The following EPN1 variants were observed in gnomAD, a reference collection of about 807,000 sequenced individuals.
EPN1 encodes the protein epsin-1.
In EPN1, 25 loss-of-function variants were observed where a neutral mutation model predicts 56.9. That is an observed-to-expected ratio of 0.44 (90% confidence interval 0.32 to 0.61). The LOEUF (loss-of-function observed/expected upper bound fraction) is 0.61. EPN1 is among the 20% of genes least tolerant of loss of function. The probability of loss-of-function intolerance (pLI) is 0.05; values close to 1 mark genes in which losing one functional copy is unlikely to be tolerated. For missense variants in EPN1, 785 were observed against 823.7 expected (o/e 0.95, Z 0.58); for synonymous variants, 411 against 361.8 (o/e 1.14, Z -1.54).
intron 1 of EPN1, among the ~76,000 whole-genome samples, chr19:55,678,150 G>A (rs1430868539): frequency 6.6e-6 from 1 of 152,072 alleles, no homozygotes; most frequent in Admixed American, 6.5e-5. Context: ...TGGGCAGGAC[G>A]GAGGGCCTCC....
chr19:55,678,571 C>T lies in EPN1; in HGVS notation c.-57C>T, dbSNP rs757113261. 9.6e-6 allele frequency: 15 copies of T among 1,558,556 alleles called. No homozygotes were observed. In the Admixed American group the frequency reaches 1.2e-4, roughly 12 times the overall value. On this transcript the variant is annotated 5_prime_UTR_variant, in exon 2 of 11. Coordinates refer to ENST00000270460, the MANE Select transcript of EPN1 (RefSeq NM_001130072.2). ...CCTGCCGCAGCCTTCGTCCGGGAGT[C>T]GCCCCATCTCTCCACGCATCGGGGC...
At chr19:55,677,234 C>G (rs1475075021) in intron 1 of EPN1, 8 of 1,384,888 alleles carry the variant, frequency 5.8e-6, no homozygotes, top group Non-Finnish European at 7.0e-6. Context: ...TGTCCCTGGG[C>G]AAGGGGCTGA....
chr19:55,683,944 G>A (rs538471604), intron 2 of EPN1, among the ~76,000 whole-genome samples: 54 of 152,290 alleles, frequency 3.5e-4, no homozygotes, highest in Admixed American at 9.8e-4. Flanking sequence ...TTGTATGTGC[G>A]TTATTTTCCT....
In EPN1 at chr19:55,708,627, C is replaced by T; in HGVS notation, c.*13271C>T. On this transcript the variant is annotated 3_prime_UTR_variant, in exon 11 of 11. Transcript: ENST00000270460. ...AAGACATCCATTAAGAAAATAAAGC[C>T]ATGCTTTCCAGAGCGTTTAGCACTT... 4.1e-6 allele frequency: 1 copy of T among 245,540 alleles called. No homozygotes were observed. The allele number at this position is 245,540 out of a possible 1,614,324, so 15.2% of individuals were successfully genotyped here. A position where few individuals can be genotyped will look rare whatever the true frequency, so the allele number is the denominator to read the frequency against.
chr19:55,681,435 C>G (rs1985813474), intron 2 of EPN1, among the ~76,000 whole-genome samples: 1 of 152,204 alleles, frequency 6.6e-6, no homozygotes, highest in Admixed American at 6.5e-5. Context: ...CACCTCACTT[C>G]TGAGGAATGC....
Position 55,691,945 on chromosome 19 carries a change from G to T in EPN1, c.954G>T (p.Gly318=). The stretch of plus-strand genomic sequence containing the variant: ...GTCCAGCCCCCACGCCGGCCTCTGG[G>T]GACCCCTGGAGGCCTGCTGCCCCTG... ...WGGPAPTPAS[G]DPWRPAAPAG... Residue 318 remains glycine, a synonymous_variant, in exon 7 of 11, where the codon GGG becomes GGT. Transcript: ENST00000270460. This position sits in a 1 kb window ranked among gnomAD's most constrained non-coding sequence, Gnocchi z 5.6. 1 of 1,539,218 alleles carries T rather than the reference G, an allele frequency of 6.5e-7. No individual in the cohort carries two copies. The highest frequency in any genetic ancestry group is 8.7e-7 in the Non-Finnish European group (1 of 1,146,200).
At position 55,691,816 on chromosome 19, in the gene EPN1, C is replaced by T; in HGVS notation, c.825C>T (p.Pro275=). 1 of 1,610,914 alleles carries T rather than the reference C, an allele frequency of 6.2e-7. No homozygotes were observed. The highest frequency in any genetic ancestry group is 8.5e-7 in the Non-Finnish European group (1 of 1,177,938). The part of the protein sequence containing the change: ...TAPAPAPTTD[P]WGGPAPMAAA... ...CAGCTCCTGCCCCGACCACAGACCCCTGGGGGGGCCCAGCACCCATGGCTG... is the reference window on the plus strand; with the variant it reads ...CAGCTCCTGCCCCGACCACAGACCCTTGGGGGGGCCCAGCACCCATGGCTG... Residue 275 remains proline (P), a synonymous_variant, in exon 7 of 11, where the codon CCC becomes CCT. Transcript: ENST00000270460. This position sits in a 1 kb window ranked among gnomAD's most constrained non-coding sequence, Gnocchi z 5.6.
Position 55,694,841 on chromosome 19 carries a change from A to T in EPN1, c.1380A>T (p.Thr460=). 1 of 1,609,510 alleles carries T rather than the reference A, an allele frequency of 6.2e-7. No homozygotes were observed. Residue 460 remains threonine, a synonymous_variant, in exon 10 of 11, where the codon ACA becomes ACT. Transcript: ENST00000270460. The surrounding 1 kb of genome is among the most constrained non-coding windows in gnomAD (Gnocchi z 4.2). ...TGGGCAGCCCCCCACCTGCAGCCAC[A>T]CCAACTCCCACGCCCCCCACCCGGA... is the stretch of plus-strand genomic sequence containing the variant. ...EAVGSPPPAA[T]PTPTPPTRKT...
intron 9 of EPN1, chr19:55,693,303 C>T (rs1050099477): frequency 2.2e-6 from 1 of 452,980 alleles, no homozygotes; most frequent in Non-Finnish European, 4.0e-6. Flanking sequence ...TGACCCGTCT[C>T]TGCCTCCACG....
In EPN1 at chr19:55,707,136, G is replaced by C. The variant is rs1283831231; in HGVS notation, c.*11780G>C. 1 of 151,808 alleles carries C rather than the reference G, an allele frequency of 6.6e-6. No homozygotes were observed. The highest frequency in any genetic ancestry group is 6.6e-5 in the Admixed American group (1 of 15,226). The allele number at this position is 151,808 out of a possible 1,614,324, so 9.4% of individuals were successfully genotyped here. On this transcript the variant is annotated 3_prime_UTR_variant, in exon 11 of 11. Coordinates refer to ENST00000270460, the MANE Select transcript of EPN1 (RefSeq NM_001130072.2). ...ACGGAGGCTGCAGTGAGCCGAGATT[G>C]TGCCACTGCACTCCAGCCTGGGCGA...
chr19:55,678,948 G>A lies in EPN1; in HGVS notation c.228+93G>A, dbSNP rs540048799. On this transcript the variant is annotated intron_variant, in intron 2 of 10. Transcript: ENST00000270460. ...TGCACCCTGCCTGGGATGGCATCCC[G>A]GTTCTCAAGAGGAACTGGAGAAGAG... The A allele has an allele frequency of 7.0e-5, 58 of 833,082 alleles. No individual in the cohort carries two copies. The South Asian group carries it at 8.9e-4, about 13-fold the overall frequency. The allele number at this position is 833,082 out of a possible 1,614,324, so 51.6% of individuals were successfully genotyped here.
chr19:55,685,271 C>G lies in EPN1; in HGVS notation c.229-125C>G, dbSNP rs577697532. 9.1e-6 allele frequency: 11 copies of G among 1,207,696 alleles called. No individual in the cohort carries two copies. The African/African-American group carries it at 1.4e-4, about 15-fold the overall frequency. 74.8% of individuals were successfully genotyped at this position (1,207,696 alleles called of 1,614,324 possible). ...TCTGTGGGGACAGATGTGTGTCCAC[C>G]CACTGGCGACAGGTGGGTTGTGGGC... On this transcript the variant is annotated intron_variant, in intron 2 of 10. Transcript: ENST00000270460.
chr19:55,688,173 G>T (rs1320948577), intron 3 of EPN1, among the ~76,000 whole-genome samples: 1 of 152,174 alleles, frequency 6.6e-6, no homozygotes, highest in Admixed American at 6.5e-5. Flanking sequence ...GCACTGTGGA[G>T]GGGGGCAAGG....
chr19:55,679,004 A>G (rs899350297), intron 2 of EPN1, 149 bp downstream of exon 2: 24 of 630,594 alleles, frequency 3.8e-5, no homozygotes, highest in African/African-American at 1.3e-4. Context: ...AATGAAGGCA[A>G]CGAATATAAG....
At position 55,695,284 on chromosome 19, in the gene EPN1, CG is replaced by C. The variant is rs1405733472; in HGVS notation, c.1664del (p.Gly555AlafsTer7). ...CACCCACGTACATCTCTCCCCTTGG[CG>C]GGGGCCCTGGCCTGCCCCCCATGAT... is the stretch of plus-strand genomic sequence containing the variant. ...APPTYISPLGGGPGLPPMMPP... is the reference protein window; with the variant it reads ...APPTYISPLGXGPGLPPMMPP... On this transcript the variant is annotated frameshift_variant, in exon 11 of 11. Transcript: ENST00000270460. LOFTEE classifies it high-confidence loss of function. The surrounding 1 kb of genome is among the most constrained non-coding windows in gnomAD (Gnocchi z 4.4). The C allele has an allele frequency of 1.3e-6, 2 of 1,591,852 alleles. No homozygotes were observed. Among genetic ancestry groups the C allele is most frequent in the Non-Finnish European group, 8.5e-7 (1 of 1,171,606 alleles).
intron 2 of EPN1, among the ~76,000 whole-genome samples, chr19:55,684,619 C>T (rs556421235): frequency 2.0e-5 from 3 of 152,242 alleles, no homozygotes; most frequent in East Asian, 3.9e-4. Flanking sequence ...CAAGAGAGCC[C>T]GGGCCTACAC....
chr19:55,695,419 T>C lies in EPN1; in HGVS notation c.*63T>C. The C allele has an allele frequency of 1.1e-6, 1 of 878,684 alleles. No homozygotes were observed. Among genetic ancestry groups the C allele is most frequent in the Non-Finnish European group, 1.7e-6 (1 of 577,146 alleles). The allele number at this position is 878,684 out of a possible 1,614,324, so 54.4% of individuals were successfully genotyped here. A position where few individuals can be genotyped will look rare whatever the true frequency, so the allele number is the denominator to read the frequency against. ...CCATTCCGGCTCCCTGGGAGATCAGTGTTGTGAGTGCATGTGAAATGGGGG... is the reference window on the plus strand; with the variant it reads ...CCATTCCGGCTCCCTGGGAGATCAGCGTTGTGAGTGCATGTGAAATGGGGG... On this transcript the variant is annotated 3_prime_UTR_variant, in exon 11 of 11. Transcript: ENST00000270460. The surrounding 1 kb of genome is among the most constrained non-coding windows in gnomAD (Gnocchi z 4.4).
intron 3 of EPN1, among the ~76,000 whole-genome samples, 189 bp from the exon 4 acceptor site, chr19:55,688,681 A>G (rs750374511): frequency 1.4e-5 from 2 of 143,122 alleles, no homozygotes; most frequent in Non-Finnish European, 3.0e-5. Context: ...CTGCATCCCC[A>G]CCCTTCCTCC....
rs748866021 is a variant in EPN1 at position 55,693,022 on chromosome 19, T to G, written c.1249T>G (p.Ser417Ala). The G allele has an allele frequency of 9.3e-6, 15 of 1,612,988 alleles. No individual in the cohort carries two copies. The South Asian group carries it at 1.6e-4, about 18-fold the overall frequency. Residue 417 changes from serine to alanine, a missense_variant, in exon 9 of 11, where the codon TCC becomes GCC. Coordinates refer to ENST00000270460, the MANE Select transcript of EPN1 (RefSeq NM_001130072.2). ...FDRLRTALPT[S>A]GSSAGELELL... is the part of the protein sequence containing the mutation. ...CCGACTCCGCACGGCACTGCCGACC[T>G]CCGGGAGCAGCGCAGGTGAGCCCCT...
Sources: allele counts gnomAD v4.1 joint callset (sites outside exome capture counted in the v4.1 genomes callset), GRCh38; gene constraint gnomAD v4.1.1; non-coding constraint Gnocchi (gnomAD v3.1); transcripts MANE v1.5; gene names NCBI Gene and HGNC (gene_info 2026-07-23, HGNC 2026-07-21).